The following PTPN9 variants were observed in gnomAD, a reference collection of about 807,000 sequenced individuals.
PTPN9 encodes tyrosine-protein phosphatase non-receptor type 9.
A neutral mutation model predicts 69.8 loss-of-function variants in PTPN9; 26 were observed. The observed-to-expected ratio is 0.37, with a 90% CI of 0.27 to 0.52. PTPN9 has a LOEUF of 0.52. Among genes scored for constraint, PTPN9 ranks in the 20% least tolerant of loss-of-function variants. The pLI is 0.91. For synonymous variants in PTPN9, 274 were observed against 272.5 expected, an observed-to-expected ratio of 1.01 and a Z score of -0.05; for missense variants, 549 against 740.3, an observed-to-expected ratio of 0.74 and a Z score of 3.00.
chr15:75,514,422 T>C (rs1595958188), intron 5 of PTPN9, among the ~76,000 whole-genome samples: 2 of 152,212 alleles, frequency 1.3e-5, no homozygotes, highest in East Asian at 3.9e-4. Flanking sequence ...CTACAAAAGA[T>C]ACAAAAATCA....
chr15:75,493,536 G>A (rs1048631986), intron 7 of PTPN9, among the ~76,000 whole-genome samples: 8 of 151,990 alleles, frequency 5.3e-5, no homozygotes, highest in Non-Finnish European at 8.8e-5. Flanking sequence ...TGGGGTGGAC[G>A]GATTACTTGA....
chr15:75,485,882 C>T (rs1393356322), intron 8 of PTPN9, among the ~76,000 whole-genome samples: 2 of 150,644 alleles, frequency 1.3e-5, no homozygotes, highest in Non-Finnish European at 3.0e-5. Flanking sequence ...GGGCAGATCA[C>T]GAGGTCAGGA....
At chr15:75,504,182 G>T (rs1263920020) in intron 7 of PTPN9, among the ~76,000 whole-genome samples, 1 of 118,958 alleles carries the variant, frequency 8.4e-6, no homozygotes, top group African/African-American at 3.3e-5. Context: ...AGGTGGGGGG[G>T]TCAGCCCCAT....
intron 8 of PTPN9, among the ~76,000 whole-genome samples, chr15:75,489,388 A>C (rs1409781658): frequency 6.6e-6 from 1 of 152,106 alleles, no homozygotes; most frequent in Non-Finnish European, 1.5e-5. Context: ...CAAGAGTTCA[A>C]GACCAGACTA....
intron 1 of PTPN9, among the ~76,000 whole-genome samples, chr15:75,560,278 A>G (rs2075098849): frequency 6.6e-6 from 1 of 152,216 alleles, no homozygotes; most frequent in African/African-American, 2.4e-5. Context: ...ATTAATCTAG[A>G]AAGGTTATTT....
At chr15:75,540,691 A>G (rs2075004810) in intron 1 of PTPN9, among the ~76,000 whole-genome samples, 1 of 152,130 alleles carries the variant, frequency 6.6e-6, no homozygotes, top group Admixed American at 6.6e-5. Context: ...GAGGTGACAC[A>G]TAATTCCAGC....
At chr15:75,486,209 T>C (rs1045720045) in intron 8 of PTPN9, among the ~76,000 whole-genome samples, 3 of 151,932 alleles carry the variant, frequency 2.0e-5, no homozygotes, top group Non-Finnish European at 2.9e-5. Flanking sequence ...TTGTGAGCCA[T>C]TGCTATAGAC....
chr15:75,544,754 A>G (rs892333079), intron 1 of PTPN9, among the ~76,000 whole-genome samples: 1 of 151,700 alleles, frequency 6.6e-6, no homozygotes, highest in African/African-American at 2.4e-5. Flanking sequence ...TTTCTGGGGG[A>G]AAAAAAAATT....
intron 4 of PTPN9, 95 bp downstream of exon 4, chr15:75,523,026 G>A (rs951054413): frequency 2.8e-6 from 4 of 1,431,540 alleles, no homozygotes; most frequent in African/African-American, 1.4e-5. Context: ...CACATCCTAG[G>A]AGAATGGCGA....
intron 5 of PTPN9, among the ~76,000 whole-genome samples, chr15:75,515,577 G>A (rs184734848): frequency 6.9e-4 from 105 of 152,208 alleles, no homozygotes; most frequent in African/African-American, 2.5e-3. Context: ...AGACCAGCCT[G>A]GGCAACATAG....
At chr15:75,519,260 C>T (rs2074889593) in intron 4 of PTPN9, among the ~76,000 whole-genome samples, 1 of 152,196 alleles carries the variant, frequency 6.6e-6, no homozygotes, top group Non-Finnish European at 1.5e-5. Flanking sequence ...AGGTGCCCAC[C>T]ACCACACTTG....
intron 7 of PTPN9, among the ~76,000 whole-genome samples, chr15:75,492,225 T>C (rs1455227361): frequency 3.3e-5 from 5 of 152,170 alleles, no homozygotes; most frequent in African/African-American, 1.2e-4. Flanking sequence ...CTGCACTCCA[T>C]TCATCCAGTA....
At chr15:75,530,791 A>T (rs1283551990) in intron 1 of PTPN9, among the ~76,000 whole-genome samples, 8 of 90,424 alleles carry the variant, frequency 8.8e-5, no homozygotes, top group African/African-American at 3.1e-4. Context: ...TATAATATAT[A>T]ATAGAATATA....
Position 75,465,027 on chromosome 15 carries a change from AAC to A in PTPN9, c.*3740_*3741del, listed in dbSNP as rs1327180712. 6.6e-6 allele frequency: 1 copy of A among 152,218 alleles called. No individual in the cohort carries two copies. Among genetic ancestry groups the A allele is most frequent in the Non-Finnish European group, 1.5e-5 (1 of 68,024 alleles). The allele number at this position is 152,218 out of a possible 1,614,324, so 9.4% of individuals were successfully genotyped here. A position where few individuals can be genotyped will look rare whatever the true frequency, so the allele number is the denominator to read the frequency against. ...GGGAATGTTAGAGAAAGGTGAAACA[AAC>A]AGCCATCAAATCAGAAGCAGAAGCC... On this transcript the variant is annotated 3_prime_UTR_variant, in exon 13 of 13. Transcript: ENST00000618819.
intron 4 of PTPN9, among the ~76,000 whole-genome samples, chr15:75,519,814 A>G (rs961763591): frequency 4.0e-5 from 6 of 151,760 alleles, no homozygotes; most frequent in African/African-American, 1.5e-4. Flanking sequence ...ATGATCCACA[A>G]AGGTCCAAGA....
intron 1 of PTPN9, among the ~76,000 whole-genome samples, chr15:75,537,753 C>CAAAAAAAAAAAAAAAAAGAAAAA (rs2074990321): frequency 8.8e-5 from 1 of 11,382 alleles, no homozygotes; most frequent in Non-Finnish European, 1.6e-4. Flanking sequence ...GACTCCATCT[C>CAAAAAAAAAAAAAAAAAGAAAAA]AAAAAAAAAA....
intron 7 of PTPN9, among the ~76,000 whole-genome samples, chr15:75,496,961 T>C (rs1259938202): frequency 6.6e-6 from 1 of 152,172 alleles, no homozygotes; most frequent in Non-Finnish European, 1.5e-5. Context: ...TGTTTGGTTT[T>C]GAAAAAAATT....
chr15:75,559,075 G>C (rs1020816070), intron 1 of PTPN9, among the ~76,000 whole-genome samples: 2 of 151,822 alleles, frequency 1.3e-5, no homozygotes, highest in African/African-American at 4.8e-5. Context: ...ATCCCGTCTA[G>C]GAAGTGAGGA....
chr15:75,509,971 C>T (rs777539192), intron 5 of PTPN9, among the ~76,000 whole-genome samples: 12 of 151,984 alleles, frequency 7.9e-5, no homozygotes, highest in African/African-American at 2.7e-4. Context: ...GCGACAAGAG[C>T]GAAACTCCAT....
Sources: allele counts gnomAD v4.1 joint callset (sites outside exome capture counted in the v4.1 genomes callset), GRCh38; gene constraint gnomAD v4.1.1; transcripts MANE v1.5; gene names NCBI Gene and HGNC (gene_info 2026-07-23, HGNC 2026-07-21).